The following NEBL variants were observed in gnomAD, a reference collection of about 807,000 sequenced individuals.
NEBL encodes the protein LIM and SH3 protein 2.
Under a neutral mutation model 140.2 loss-of-function variants are expected in NEBL, and 122 were observed. That is an observed-to-expected ratio of 0.87 (90% CI 0.75 to 1.01). The LOEUF is 1.01. Ranked by LOEUF, NEBL falls within the 50% of genes least tolerant of loss-of-function variation. The pLI is 0.00. For missense variants in NEBL, 1,365 were observed against 1,231.3 expected, an observed-to-expected ratio of 1.11 and a Z score of -1.62; for synonymous variants, 436 against 398.9, an observed-to-expected ratio of 1.09 and a Z score of -1.11.
chr10:20,924,479 T>C (rs1305424739), intron 4 of NEBL, among the ~76,000 whole-genome samples: 1 of 70,762 alleles, frequency 1.4e-5, no homozygotes, highest in Non-Finnish European at 2.8e-5. Flanking sequence ...TTCACCAAAA[T>C]AAGCTCCTCG....
Position 21,135,534 on chromosome 10 carries a change from A to G in NEBL, c.164+36849T>C, listed in dbSNP as rs139294325. Among the ~76,000 whole-genome samples the G allele has an allele frequency of 5.2e-3, 786 of 152,298 alleles. 3 individuals are homozygous for G. The highest frequency in any genetic ancestry group is 0.02 in the Middle Eastern group (6 of 294). On this transcript the variant is annotated intron_variant, in intron 2 of 6. Coordinates refer to the NEBL transcript ENST00000417816. ...CTCAGGCCAGGTGACGCTGCCAACA[A>G]TCAGCCTCCTGCAACTCCAGGAAAC... is the stretch of plus-strand genomic sequence containing the variant.
rs767396204 is a variant in NEBL, at chr10:20,987,568, C to A, written c.250-25789G>T. Among the ~76,000 whole-genome samples the A allele has an allele frequency of 1.8e-3, 279 of 152,288 alleles. 11 individuals are homozygous for A. The highest frequency in any genetic ancestry group is 7.8e-4 in the Admixed American group (12 of 15,292). ...CTCCACTCAGCTCTGCCTCCCACCA[C>A]CAGAGCCACAGACTGGAGCATGGTG... On this transcript the variant is annotated intron_variant, in intron 3 of 6. Coordinates refer to the NEBL transcript ENST00000417816.
chr10:21,043,522 C>T (rs1177427551), intron 2 of NEBL, among the ~76,000 whole-genome samples: 1 of 152,174 alleles, frequency 6.6e-6, no homozygotes, highest in Non-Finnish European at 1.5e-5. Flanking sequence ...AAATAGCATG[C>T]ATGTGACTCA....
chr10:20,794,551 T>G (rs1426342516), intron 26 of NEBL, among the ~76,000 whole-genome samples: 1 of 152,202 alleles, frequency 6.6e-6, no homozygotes, highest in Non-Finnish European at 1.5e-5. Context: ...AATCGTTAAG[T>G]GTACAGTTGT....
At chr10:21,223,086 A>G (rs1410864328) in intron 3 of NEBL, among the ~76,000 whole-genome samples, 1 of 152,210 alleles carries the variant, frequency 6.6e-6, no homozygotes, top group Non-Finnish European at 1.5e-5. Flanking sequence ...TTAAATGTAC[A>G]ATAAATTATT....
chr10:20,886,306 T>C (rs1265724065), intron 4 of NEBL, among the ~76,000 whole-genome samples: 1 of 152,022 alleles, frequency 6.6e-6, no homozygotes, highest in African/African-American at 2.4e-5. Flanking sequence ...GCAGATCGCC[T>C]GAGGTCAGGA....
At chr10:20,973,247 C>CT (rs201974015) in intron 3 of NEBL, among the ~76,000 whole-genome samples, 5,291 of 139,328 alleles carry the variant, frequency 0.038, 293 homozygotes, top group African/African-American at 0.12. Context: ...TTACCTTTTT[C>CT]TTTTTTTTTT....
chr10:21,138,171 T>C (rs149463297), intron 2 of NEBL, among the ~76,000 whole-genome samples: 266 of 151,644 alleles, frequency 1.8e-3, no homozygotes, highest in African/African-American at 5.8e-3. Context: ...ACCAAAACAG[T>C]CTTATATTAT....
At chr10:20,800,679 C>G (rs1035668533) in intron 26 of NEBL, among the ~76,000 whole-genome samples, 7 of 151,636 alleles carry the variant, frequency 4.6e-5, no homozygotes, top group African/African-American at 1.7e-4. Flanking sequence ...TCTGCATAAA[C>G]GACAAATGCT....
chr10:21,055,426 T>C (rs1222976338), intron 2 of NEBL, among the ~76,000 whole-genome samples: 1 of 152,192 alleles, frequency 6.6e-6, no homozygotes, highest in Non-Finnish European at 1.5e-5. Context: ...ACAGATCTTT[T>C]AACTTTGGTG....
Position 20,780,905 on chromosome 10 carries a change from T to A in NEBL, c.*4842A>T, listed in dbSNP as rs1181301370. 6 of 152,204 alleles carry A rather than the reference T, an allele frequency of 3.9e-5. No homozygotes were observed. Among genetic ancestry groups the A allele is most frequent in the Non-Finnish European group, 8.8e-5 (6 of 68,034 alleles). 9.4% of individuals were successfully genotyped at this position (152,204 alleles called of 1,614,324 possible). On this transcript the variant is annotated 3_prime_UTR_variant, in exon 28 of 28. Coordinates refer to ENST00000377122, the MANE Select transcript of NEBL (RefSeq NM_006393.3). The stretch of plus-strand genomic sequence containing the variant: ...TGATTTGCTTTTAAACAAATATTAA[T>A]GTTAATGATTAGGGTAGCCTTGAAG...
chr10:20,928,373 G>T (rs2131525544), intron 4 of NEBL, among the ~76,000 whole-genome samples: 1 of 152,266 alleles, frequency 6.6e-6, no homozygotes, highest in Middle Eastern at 3.4e-3. Flanking sequence ...GAGTGCTAAG[G>T]TAAAAAAATT....
In NEBL at chr10:20,806,680, C is replaced by T. The variant is rs769229520; in HGVS notation, c.2761+1830G>A. ...CCACCAGCCTCTAAGCCCCTTACAG[C>T]GGATGCATGTTTCTTTTGCTCACTG... On this transcript the variant is annotated intron_variant, in intron 26 of 27. Transcript: ENST00000377122. 7.9e-5 allele frequency among the ~76,000 whole-genome samples: 12 copies of T among 152,304 alleles called. No individual in the cohort carries two copies. In the East Asian group the frequency reaches 1.2e-3, roughly 15 times the overall value.
intron 1 of NEBL, among the ~76,000 whole-genome samples, chr10:21,288,820 G>GTGTGTGTATATATATATATATA (rs1477748950): frequency 2.9e-5 from 1 of 35,026 alleles, no homozygotes; most frequent in African/African-American, 9.7e-5. Flanking sequence ...GTGTGTGTGT[G>GTGTGTGTATATATATATATATA]TATATATATA....
intron 4 of NEBL, among the ~76,000 whole-genome samples, chr10:20,949,001 G>A (rs1257397793): frequency 6.6e-6 from 1 of 152,164 alleles, no homozygotes; most frequent in Non-Finnish European, 1.5e-5. Context: ...TATGTCACAT[G>A]TGCAAAGACA....
At position 21,077,523 on chromosome 10, in the gene NEBL, C is replaced by T. The variant is rs1049819607; in HGVS notation, c.165-57322G>A. On this transcript the variant is annotated intron_variant, in intron 2 of 6. Transcript: ENST00000417816. The stretch of plus-strand genomic sequence containing the variant: ...TCGGGAGGCTGAGGCAGGAGAATGG[C>T]GTGAACCTGGGAGGTGGAGCTTGCA... Among the ~76,000 whole-genome samples the T allele has an allele frequency of 1.4e-4, 21 of 152,090 alleles. No homozygotes were observed. In the East Asian group the frequency reaches 3.3e-3, roughly 24 times the overall value.
intron 2 of NEBL, among the ~76,000 whole-genome samples, chr10:21,086,165 TAA>T (rs1333229841): frequency 1.3e-5 from 2 of 152,166 alleles, no homozygotes; most frequent in African/African-American, 4.8e-5. Context: ...CCATAGGAAT[TAA>T]AGAGTTCGAC....
intron 2 of NEBL, among the ~76,000 whole-genome samples, chr10:21,072,659 G>T (rs1835872717): frequency 6.6e-6 from 1 of 152,230 alleles, no homozygotes; most frequent in African/African-American, 2.4e-5. Context: ...GGGCTCAGTT[G>T]TTGGTCATCT....
At chr10:20,968,575 G>A (rs570749273) in intron 3 of NEBL, among the ~76,000 whole-genome samples, 1 of 152,234 alleles carries the variant, frequency 6.6e-6, no homozygotes, top group East Asian at 1.9e-4. Context: ...AAGGGGATGC[G>A]TCGCATGTAT....
Sources: gnomAD v4.1 joint callset for allele counts (sites outside exome capture counted in the v4.1 genomes callset) on GRCh38, gnomAD v4.1.1 for gene constraint, MANE v1.5 for transcripts, NCBI Gene and HGNC (gene_info 2026-07-23, HGNC 2026-07-21) for gene names.